KIAA1549: variants seen among roughly 807,000 people sequenced by gnomAD.
The protein encoded by KIAA1549 is UPF0606 protein KIAA1549.
In KIAA1549, 70 loss-of-function variants were observed where a neutral mutation model predicts 156.4. The ratio of observed to expected loss-of-function variants is 0.45; its 90% CI spans 0.37 to 0.55. The LOEUF is 0.55. Among genes scored for constraint, KIAA1549 ranks in the 20% least tolerant of loss-of-function variants. The pLI is 0.00. For synonymous variants in KIAA1549, 1,103 were observed against 1,066.4 expected (o/e 1.03, Z -0.67); for missense variants, 2,428 against 2,540.9 (o/e 0.96, Z 0.96).
At chr7:138,869,177 G>A (rs1309878323) in intron 14 of KIAA1549, among the ~76,000 whole-genome samples, 2 of 152,178 alleles carry the variant, frequency 1.3e-5, no homozygotes, top group African/African-American at 4.8e-5. Context: ...AAGAGCCAAG[G>A]ACACCACAGA....
intron 10 of KIAA1549, among the ~76,000 whole-genome samples, chr7:138,887,295 T>C (rs1811420958): frequency 1.3e-5 from 2 of 152,306 alleles, no homozygotes; most frequent in Admixed American, 1.3e-4. Context: ...TTTATTTACA[T>C]AAAATAAATT....
intron 7 of KIAA1549, among the ~76,000 whole-genome samples, 163 bp downstream of exon 7, chr7:138,904,859 T>A (rs932345972): frequency 6.6e-6 from 1 of 152,188 alleles, no homozygotes; most frequent in Non-Finnish European, 1.5e-5. Flanking sequence ...TGGGATATAT[T>A]CCCACAGCCA....
chr7:138,837,971 C>T lies in KIAA1549; in HGVS notation c.5788G>A (p.Ala1930Thr). ...PGHSSASLIK[A>T]IREELLRLSQ... ...AGCCGGAGGAGCTCCTCGCGGATTGCTTTGATGAGAGAGGCCGAGGAGTGG... is the reference window on the plus strand; with the variant it reads ...AGCCGGAGGAGCTCCTCGCGGATTGTTTTGATGAGAGAGGCCGAGGAGTGG... Residue 1930 changes from alanine to threonine, a missense_variant, in exon 20 of 20, where the codon GCA becomes ACA. By Grantham distance (58) the Ala-to-Thr change is moderately conservative. This residue lies in a region of KIAA1549 where 363 missense variants were observed against 354.0 expected (regional missense o/e 1.03). Transcript: ENST00000422774. 6.2e-7 allele frequency: 1 copy of T among 1,613,746 alleles called. No individual in the cohort carries two copies. The highest frequency in any genetic ancestry group is 8.5e-7 in the Non-Finnish European group (1 of 1,179,840).
chr7:138,966,647 A>G (rs1302804929), intron 1 of KIAA1549, among the ~76,000 whole-genome samples: 4 of 151,944 alleles, frequency 2.6e-5, no homozygotes, highest in Admixed American at 6.6e-5. Flanking sequence ...GCAGCTGATT[A>G]GATTGTGCTC....
chr7:138,856,517 T>C (rs555224024), intron 16 of KIAA1549, among the ~76,000 whole-genome samples: 1 of 152,290 alleles, frequency 6.6e-6, no homozygotes, highest in South Asian at 2.1e-4. Context: ...AGCTTTCTAT[T>C]AGTCTCTCTG....
intron 1 of KIAA1549, among the ~76,000 whole-genome samples, chr7:138,953,818 T>C (rs966891390): frequency 2.6e-5 from 4 of 152,238 alleles, no homozygotes; most frequent in Non-Finnish European, 4.4e-5. Context: ...ACTTATTTCA[T>C]ATCTACTGTG....
chr7:138,919,678 G>C (rs138735877), intron 1 of KIAA1549, among the ~76,000 whole-genome samples: 1 of 152,222 alleles, frequency 6.6e-6, no homozygotes, highest in East Asian at 1.9e-4. Context: ...GTGTATGTGT[G>C]GGGGTGGGGA....
At chr7:138,915,733 T>A (rs532124997) in intron 2 of KIAA1549, among the ~76,000 whole-genome samples, 1 of 152,082 alleles carries the variant, frequency 6.6e-6, no homozygotes, top group African/African-American at 2.4e-5. Context: ...CCTTTTTCAT[T>A]TCTGTCCTCC....
intron 1 of KIAA1549, among the ~76,000 whole-genome samples, chr7:138,945,802 C>T (rs538734739): frequency 6.6e-6 from 1 of 152,270 alleles, no homozygotes; most frequent in African/African-American, 2.4e-5. Context: ...TGGCTCACGC[C>T]TGTAATCCTA....
At chr7:138,965,820 C>T (rs1814006456) in intron 1 of KIAA1549, among the ~76,000 whole-genome samples, 1 of 152,168 alleles carries the variant, frequency 6.6e-6, no homozygotes, top group Admixed American at 6.5e-5. Flanking sequence ...CTTTGTACCA[C>T]CTGACTTTAT....
chr7:138,879,354 C>G (rs1286307118), intron 12 of KIAA1549, among the ~76,000 whole-genome samples, 184 bp downstream of exon 12: 1 of 152,150 alleles, frequency 6.6e-6, no homozygotes, highest in Non-Finnish European at 1.5e-5. Context: ...ATCCCTGGCC[C>G]CAAAGCAGAC....
At chr7:138,887,653 C>T (rs530846451) in intron 10 of KIAA1549, among the ~76,000 whole-genome samples, 14 of 152,306 alleles carry the variant, frequency 9.2e-5, no homozygotes, top group African/African-American at 3.1e-4. Flanking sequence ...CAGCTTCCTG[C>T]GGTGCTCTGC....
At position 138,887,840 on chromosome 7, in the gene KIAA1549, G is replaced by T. The variant is rs143163480; in HGVS notation, c.4033-6256C>A. Among the ~76,000 whole-genome samples the T allele has an allele frequency of 4.6e-5, 7 of 152,332 alleles. No individual in the cohort carries two copies. In the East Asian group the frequency reaches 1.4e-3, roughly 29 times the overall value. ...TCCACGTTGGGAAACTGTGAACTTAGATATTCTGTAGAGGAGGTGGCAGCA... is the reference window on the plus strand; with the variant it reads ...TCCACGTTGGGAAACTGTGAACTTATATATTCTGTAGAGGAGGTGGCAGCA... On this transcript the variant is annotated intron_variant, in intron 10 of 19. Transcript: ENST00000422774.
rs115554156 is a variant in KIAA1549 at position 138,880,111 on chromosome 7, C to T, written c.4230-458G>A. On this transcript the variant is annotated intron_variant, in intron 11 of 19. Coordinates refer to ENST00000422774, the MANE Select transcript of KIAA1549 (RefSeq NM_001164665.2). Reference sequence around the variant, plus strand: ...ACTCCAGATCTTTGGAAGGTGCTTACACTGAGATCTGATTCTTTATATAAA... The same window carrying T: ...ACTCCAGATCTTTGGAAGGTGCTTATACTGAGATCTGATTCTTTATATAAA... Among the ~76,000 whole-genome samples, 330 of 152,310 alleles carry T rather than the reference C, an allele frequency of 2.2e-3. 4 individuals are homozygous for T. The highest frequency in any genetic ancestry group is 7.7e-3 in the African/African-American group (319 of 41,568).
intron 1 of KIAA1549, among the ~76,000 whole-genome samples, chr7:138,927,810 A>G (rs1319979071): frequency 6.6e-6 from 1 of 152,148 alleles, no homozygotes; most frequent in Non-Finnish European, 1.5e-5. Flanking sequence ...ATGTTTACCA[A>G]TCTGGCTGGT....
At chr7:138,954,998 G>C (rs1050664179) in intron 1 of KIAA1549, among the ~76,000 whole-genome samples, 1 of 152,104 alleles carries the variant, frequency 6.6e-6, no homozygotes, top group African/African-American at 2.4e-5. Context: ...AGCAGGCCTC[G>C]GATTAAGTCC....
intron 6 of KIAA1549, among the ~76,000 whole-genome samples, chr7:138,906,166 C>T (rs994599638): frequency 6.6e-6 from 1 of 152,200 alleles, no homozygotes; most frequent in Non-Finnish European, 1.5e-5. Flanking sequence ...TATTCTGGCA[C>T]TCAAATCAGA....
At chr7:138,970,531 C>G (rs1401219564) in intron 1 of KIAA1549, among the ~76,000 whole-genome samples, 2 of 152,204 alleles carry the variant, frequency 1.3e-5, no homozygotes, top group East Asian at 3.8e-4. Context: ...GTACACCCAA[C>G]TTCAATGAGA....
chr7:138,864,745 C>T (rs927074909), intron 15 of KIAA1549, among the ~76,000 whole-genome samples: 2 of 152,166 alleles, frequency 1.3e-5, no homozygotes, highest in Non-Finnish European at 2.9e-5. Context: ...ATTAATAGAA[C>T]ACCCCCTTAC....
Sources: gnomAD v4.1 joint callset for allele counts (sites outside exome capture counted in the v4.1 genomes callset) on GRCh38, gnomAD v4.1.1 for gene constraint, gnomAD v4.1.1 regional missense constraint, MANE v1.5 for transcripts, NCBI Gene and HGNC (gene_info 2026-07-23, HGNC 2026-07-21) for gene names.